Variants in HSF1 observed in about 807,000 individuals in gnomAD.
HSF1 encodes the protein heat shock transcription factor 1, also known as heat shock factor protein 1.
HSF1 carries 32 observed loss-of-function variants against 51.7 expected under a neutral mutation model. The ratio of observed to expected loss-of-function variants is 0.62; its 90% confidence interval spans 0.47 to 0.83. The LOEUF (loss-of-function observed/expected upper bound fraction) is 0.83, where lower values mean the gene tolerates loss of function less well. HSF1 is among the 40% of genes least tolerant of loss of function. The pLI is 0.00. For synonymous variants in HSF1, 396 were observed against 309.7 expected (o/e 1.28, Z -2.92); for missense variants, 727 against 717.0 (o/e 1.01, Z -0.16).
chr8:144,308,891 G>C lies in HSF1; in HGVS notation c.118-15G>C. 6.2e-7 allele frequency: 1 copy of C among 1,611,276 alleles called. No individual in the cohort carries two copies. Among genetic ancestry groups the C allele is most frequent in the Non-Finnish European group, 8.5e-7 (1 of 1,177,434 alleles). ...TCACCACCACGCGTGACCCACCCATGTGTCTCCCTTTCAGAGCGGGAACAG... is the reference window on the plus strand; with the variant it reads ...TCACCACCACGCGTGACCCACCCATCTGTCTCCCTTTCAGAGCGGGAACAG... On this transcript the variant is annotated splice_polypyrimidine_tract_variant and intron_variant, in intron 1 of 12. Coordinates refer to ENST00000528838, the MANE Select transcript of HSF1 (RefSeq NM_005526.4).
Position 144,312,480 on chromosome 8 carries a change from C to T in HSF1, c.1142+236C>T, listed in dbSNP as rs1816747085. On this transcript the variant is annotated intron_variant, in intron 9 of 12. Transcript: ENST00000528838. Reference sequence around the variant, plus strand: ...GGCTGCCGGGCCCTGCTCTCAGCCACCCGTCCTGCTGCCGCCACCCTCGCC... The same window carrying T: ...GGCTGCCGGGCCCTGCTCTCAGCCATCCGTCCTGCTGCCGCCACCCTCGCC... 22 of 765,522 alleles carry T rather than the reference C, an allele frequency of 2.9e-5. No individual in the cohort carries two copies. In the South Asian group the frequency reaches 3.5e-4, roughly 12 times the overall value. 47.4% of individuals were successfully genotyped at this position (765,522 alleles called of 1,614,324 possible).
chr8:144,312,965 G>A (rs1203492903), intron 9 of HSF1: 2 of 567,284 alleles, frequency 3.5e-6, no homozygotes, highest in African/African-American at 3.8e-5. Context: ...GCAGGATCCA[G>A]ACTGCGGTGC....
At chr8:144,306,208 T>C (rs1816219669) in intron 1 of HSF1, among the ~76,000 whole-genome samples, 1 of 152,346 alleles carries the variant, frequency 6.6e-6, no homozygotes, top group East Asian at 1.9e-4. Flanking sequence ...AATGATTGAC[T>C]TAAAATCTTT....
intron 1 of HSF1, among the ~76,000 whole-genome samples, chr8:144,304,606 CTTTTA>C (rs782011059): frequency 6.6e-6 from 1 of 151,746 alleles, no homozygotes; most frequent in African/African-American, 2.4e-5. Flanking sequence ...GTGGCAGGGT[CTTTTA>C]TTTTAATGCT....
intron 1 of HSF1, among the ~76,000 whole-genome samples, chr8:144,296,449 C>T (rs1815466554): frequency 6.6e-6 from 1 of 152,204 alleles, no homozygotes; most frequent in Admixed American, 6.5e-5. Context: ...GCTGCAGGGT[C>T]TGGAGGGCCT....
intron 1 of HSF1, among the ~76,000 whole-genome samples, chr8:144,302,506 A>C (rs1292134534): frequency 2.9e-4 from 42 of 144,778 alleles, no homozygotes; most frequent in Non-Finnish European, 4.6e-5. Flanking sequence ...GACTCCATCT[A>C]AAAAAAAAAG....
Position 144,309,597 on chromosome 8 carries a change from T to C in HSF1, c.363+6T>C. 6.2e-7 allele frequency: 1 copy of C among 1,613,522 alleles called. No individual in the cohort carries two copies. The highest frequency in any genetic ancestry group is 8.5e-7 in the Non-Finnish European group (1 of 1,179,916). ...TCAAGAGGAAAGTGACCAGTGTGAG[T>C]GCCGGCCCTGCACCCTTGCCCGGTC... On this transcript the variant is annotated splice_donor_region_variant and intron_variant, in intron 3 of 12. Coordinates refer to ENST00000528838, the MANE Select transcript of HSF1 (RefSeq NM_005526.4).
Position 144,314,337 on chromosome 8 carries a change from C to G in HSF1, c.*7C>G, listed in dbSNP as rs1173101588. 5.2e-6 allele frequency: 8 copies of G among 1,543,902 alleles called. No individual in the cohort carries two copies. The highest frequency in any genetic ancestry group is 1.7e-4 in the Middle Eastern group (1 of 5,990). On this transcript the variant is annotated 3_prime_UTR_variant, in exon 13 of 13. Coordinates refer to ENST00000528838, the MANE Select transcript of HSF1 (RefSeq NM_005526.4). ...GGACCCCACTGTCTCCTAGAGGCCCCGGAGGAGCTGGGCCAGCCGCCCACC... is the reference window on the plus strand; with the variant it reads ...GGACCCCACTGTCTCCTAGAGGCCCGGGAGGAGCTGGGCCAGCCGCCCACC...
At chr8:144,305,975 G>A (rs568700965) in intron 1 of HSF1, among the ~76,000 whole-genome samples, 9 of 149,818 alleles carry the variant, frequency 6.0e-5, no homozygotes, top group African/African-American at 1.7e-4. Flanking sequence ...CAGGTGATCC[G>A]CCTGCCTTGG....
chr8:144,296,647 A>G (rs569765998), intron 1 of HSF1, among the ~76,000 whole-genome samples: 1 of 152,234 alleles, frequency 6.6e-6, no homozygotes, highest in Non-Finnish European at 1.5e-5. Flanking sequence ...TATATTAAAA[A>G]ATACAAAAAA....
intron 1 of HSF1, among the ~76,000 whole-genome samples, chr8:144,298,349 C>T (rs1484998855): frequency 1.3e-5 from 2 of 151,958 alleles, no homozygotes; most frequent in African/African-American, 2.4e-5. Flanking sequence ...GTAATCCCAG[C>T]ACTTCGGGAG....
At chr8:144,302,922 C>T (rs1193635976) in intron 1 of HSF1, among the ~76,000 whole-genome samples, 2 of 152,068 alleles carry the variant, frequency 1.3e-5, no homozygotes, top group African/African-American at 4.8e-5. Context: ...CAGCATCGTT[C>T]GTTGTCAGAG....
In HSF1 at chr8:144,301,680, T is replaced by C. The variant is rs375522018; in HGVS notation, c.118-7226T>C. Among the ~76,000 whole-genome samples the C allele has an allele frequency of 2.4e-3, 360 of 151,610 alleles. 1 individual carries two copies. Among genetic ancestry groups the C allele is most frequent in the South Asian group, 9.6e-3 (46 of 4,800 alleles). On this transcript the variant is annotated intron_variant, in intron 1 of 12. Coordinates refer to ENST00000528838, the MANE Select transcript of HSF1 (RefSeq NM_005526.4). ...AGGAGGTCGAGACCATCCTGGCTAA[T>C]ACAGTGAAACCCCGTCTCTATTGAA...
intron 1 of HSF1, among the ~76,000 whole-genome samples, chr8:144,301,407 C>G (rs1179012790): frequency 2.0e-5 from 3 of 149,920 alleles, no homozygotes; most frequent in African/African-American, 7.4e-5. Context: ...CAACAGAGCC[C>G]TGTCTCAAAA....
At chr8:144,309,736 C>A in intron 3 of HSF1, 36 bp from the exon 4 acceptor site, 2 of 1,605,870 alleles carry the variant, frequency 1.2e-6, no homozygotes, top group Non-Finnish European at 1.7e-6. Flanking sequence ...AGCTCCTAGG[C>A]TGCTCCAGTG....
At chr8:144,308,234 C>T (rs1816352521) in intron 1 of HSF1, among the ~76,000 whole-genome samples, 1 of 152,214 alleles carries the variant, frequency 6.6e-6, no homozygotes, top group Non-Finnish European at 1.5e-5. Flanking sequence ...TCTCGCTGTC[C>T]CCTAAGCCTT....
intron 5 of HSF1, 22 bp from the exon 6 acceptor site, chr8:144,311,299 A>T (rs782396199): frequency 6.2e-7 from 1 of 1,613,678 alleles, no homozygotes; most frequent in Admixed American, 1.7e-5. Flanking sequence ...GGCCGGGGTA[A>T]CTGTGTCCTC....
intron 1 of HSF1, among the ~76,000 whole-genome samples, chr8:144,292,176 G>A (rs1333404760): frequency 6.6e-6 from 1 of 152,256 alleles, no homozygotes; most frequent in Non-Finnish European, 1.5e-5. Context: ...GGGCGGTTGC[G>A]GAAGTGTCCG....
rs547461911 is a variant in HSF1 at position 144,313,834 on chromosome 8, C to T, written c.1249-12C>T. 1.1e-5 allele frequency: 17 copies of T among 1,584,930 alleles called. No individual in the cohort carries two copies. The highest frequency in any genetic ancestry group is 2.2e-5 in the South Asian group (2 of 90,056). ...CCCGGGTGCTGTTCTGACTTCCCTCCCTCCTCCGCAGCTGTTCAGCCCCTC... is the reference window on the plus strand; with the variant it reads ...CCCGGGTGCTGTTCTGACTTCCCTCTCTCCTCCGCAGCTGTTCAGCCCCTC... On this transcript the variant is annotated splice_polypyrimidine_tract_variant and intron_variant, in intron 10 of 12. Coordinates refer to ENST00000528838, the MANE Select transcript of HSF1 (RefSeq NM_005526.4).
Sources: allele counts gnomAD v4.1 joint callset (sites outside exome capture counted in the v4.1 genomes callset), GRCh38; gene constraint gnomAD v4.1.1; transcripts MANE v1.5; gene names NCBI Gene and HGNC (gene_info 2026-07-23, HGNC 2026-07-21).